ZFR2: variants seen among roughly 807,000 people sequenced by gnomAD.
ZFR2 encodes zinc finger RNA-binding protein 2.
A neutral mutation model predicts 105.7 loss-of-function variants in ZFR2; 104 were observed. The ratio of observed to expected loss-of-function variants is 0.98; its 90% CI spans 0.84 to 1.16. The LOEUF (loss-of-function observed/expected upper bound fraction) is 1.16. Ranked by LOEUF, ZFR2 falls within the 50% of genes most tolerant of loss-of-function variation. The pLI, the probability that ZFR2 is intolerant of heterozygous loss-of-function variation, is 0.00. For synonymous variants in ZFR2, 634 were observed against 597.7 expected, an observed-to-expected ratio of 1.06 and a Z score of -0.89; for missense variants, 1,425 against 1,355.5, an observed-to-expected ratio of 1.05 and a Z score of -0.80.
intron 1 of ZFR2, among the ~76,000 whole-genome samples, chr19:3,842,936 A>T (rs2038149155): frequency 6.6e-6 from 1 of 151,944 alleles, no homozygotes; most frequent in African/African-American, 2.4e-5. Context: ...ATTTCAGAAC[A>T]TTTCATGACC....
chr19:3,867,382 G>C lies in ZFR2; in HGVS notation c.53+1583C>G, dbSNP rs976750211. Among the ~76,000 whole-genome samples, 3 of 152,044 alleles carry C rather than the reference G, an allele frequency of 2.0e-5. No individual in the cohort carries two copies. In the East Asian group the frequency reaches 5.8e-4, roughly 29 times the overall value. ...ACTCCAGTCTTGGGGGCAGATGGACGGGCTGAAGATAGCAGAGATGCTCCG... is the reference window on the plus strand; with the variant it reads ...ACTCCAGTCTTGGGGGCAGATGGACCGGCTGAAGATAGCAGAGATGCTCCG... On this transcript the variant is annotated intron_variant, in intron 1 of 18. Coordinates refer to ENST00000262961, the MANE Select transcript of ZFR2 (RefSeq NM_015174.2).
chr19:3,833,761 T>G lies in ZFR2; in HGVS notation c.282A>C (p.Gly94=). 12 of 1,577,146 alleles carry G rather than the reference T, an allele frequency of 7.6e-6. No individual in the cohort carries two copies. Among genetic ancestry groups the G allele is most frequent in the Non-Finnish European group, 1.0e-5 (12 of 1,160,980 alleles). ...CATAGCTCCTGGCAGCTGCTGACTG[T>G]CCGTAGCTGTAACTGTCCTATGTGG... ...MATYQDSYSY[G]QSAAARSYED... The change falls in exon 3 of 19, where the codon GGA becomes GGC. Residue 94 remains glycine (G), a synonymous_variant. Transcript: ENST00000262961.
In ZFR2 at chr19:3,807,674, G is replaced by A. The variant is rs531405131; in HGVS notation, c.2546-405C>T. On this transcript the variant is annotated intron_variant, in intron 17 of 18. Transcript: ENST00000262961. ...GTGTGCCCGTGTGTGCACCCATGTCGGTGTGTGCTTGTGCATGCACCCATG... is the reference window on the plus strand; with the variant it reads ...GTGTGCCCGTGTGTGCACCCATGTCAGTGTGTGCTTGTGCATGCACCCATG... 9.9e-5 allele frequency among the ~76,000 whole-genome samples: 13 copies of A among 131,320 alleles called. No individual in the cohort carries two copies. In the East Asian group the frequency reaches 2.9e-3, roughly 30 times the overall value. 86.2% of individuals were successfully genotyped at this position (131,320 alleles called of 152,430 possible).
intron 1 of ZFR2, among the ~76,000 whole-genome samples, chr19:3,851,240 C>A (rs1208191367): frequency 6.6e-6 from 1 of 152,046 alleles, no homozygotes; most frequent in Non-Finnish European, 1.5e-5. Flanking sequence ...GGGGACAGAA[C>A]ACATGCGCCA....
chr19:3,836,308 A>T (rs1284957879), intron 1 of ZFR2, among the ~76,000 whole-genome samples: 1 of 152,052 alleles, frequency 6.6e-6, no homozygotes, highest in Non-Finnish European at 1.5e-5. Flanking sequence ...CGGAAGGCCA[A>T]CCGTATTTTC....
chr19:3,859,759 C>A lies in ZFR2; in HGVS notation c.53+9206G>T, dbSNP rs142046394. On this transcript the variant is annotated intron_variant, in intron 1 of 18. Transcript: ENST00000262961. ...ACCAGCAGTAAGACGACATTTCAAT[C>A]GCTGTGTGTACACACAACACACACA... 4.0e-3 allele frequency among the ~76,000 whole-genome samples: 606 copies of A among 152,332 alleles called. 3 individuals are homozygous for A. The highest frequency in any genetic ancestry group is 0.014 in the Middle Eastern group (4 of 294).
intron 1 of ZFR2, among the ~76,000 whole-genome samples, chr19:3,865,275 A>C (rs181710583): frequency 2.0e-5 from 3 of 152,330 alleles, no homozygotes; most frequent in Admixed American, 2.0e-4. Context: ...CCAACAATTA[A>C]GCAGTTCAGA....
intron 13 of ZFR2, among the ~76,000 whole-genome samples, chr19:3,815,844 C>G (rs886986661): frequency 6.6e-6 from 1 of 151,274 alleles, no homozygotes; most frequent in Non-Finnish European, 1.5e-5. Context: ...CTCTGCCTCC[C>G]GGGTTCATGC....
rs149319700 is a variant in ZFR2, at chr19:3,813,574, G to A, written c.2242+246C>T. ...GGAGGTGACACGGTGTCGCTTGCCC[G>A]AGCAAGGCCCCTGCAGCCAGGCTCT... On this transcript the variant is annotated intron_variant, in intron 14 of 18. Transcript: ENST00000262961. This position sits in a 1 kb window ranked among gnomAD's most constrained non-coding sequence, Gnocchi z 4.4. 3.2e-3 allele frequency among the ~76,000 whole-genome samples: 480 copies of A among 152,294 alleles called. 2 individuals carry two copies. Among genetic ancestry groups the A allele is most frequent in the Middle Eastern group, 0.024 (7 of 294 alleles).
In ZFR2 at chr19:3,831,696, G is replaced by T. The variant is rs1364985287; in HGVS notation, c.562C>A (p.Pro188Thr). Reference sequence around the variant, plus strand: ...GTGCAGGTGGGGTTGTAGGAGGGCGGGGGGTAGGAGGTCACGATGGAAGCT... The same window carrying T: ...GTGCAGGTGGGGTTGTAGGAGGGCGTGGGGTAGGAGGTCACGATGGAAGCT... ...SSASIVTSYP[P>T]PSYNPTCTAY... Residue 188 changes from proline to threonine, a missense_variant, in exon 4 of 19, where the codon CCG becomes ACG. Physicochemically the swap from Pro to Thr is conservative, Grantham distance 38. Coordinates refer to ENST00000262961, the MANE Select transcript of ZFR2 (RefSeq NM_015174.2). 2 of 1,578,394 alleles carry T rather than the reference G, an allele frequency of 1.3e-6. No homozygotes were observed. The highest frequency in any genetic ancestry group is 1.2e-5 in the South Asian group (1 of 85,626).
rs138175962 is a variant in ZFR2 at position 3,839,422 on chromosome 19, A to C, written c.54-4439T>G. ...GTGGTGGGTGCCTGTAGTCCCAGCT[A>C]CTCAGGAGGCTGAGGCACGAGAATC... On this transcript the variant is annotated intron_variant, in intron 1 of 18. Transcript: ENST00000262961. 9.2e-3 allele frequency among the ~76,000 whole-genome samples: 1,392 copies of C among 151,430 alleles called. 13 individuals are homozygous for C. The highest frequency in any genetic ancestry group is 0.012 in the Non-Finnish European group (828 of 67,846).
chr19:3,821,254 G>A (rs971172998), intron 10 of ZFR2, 86 bp downstream of exon 10: 17 of 1,403,804 alleles, frequency 1.2e-5, no homozygotes, highest in East Asian at 7.9e-5. Context: ...GAGGAGCTCC[G>A]TAATCTGCAG....
At chr19:3,815,091 T>C (rs2037810967) in intron 13 of ZFR2, among the ~76,000 whole-genome samples, 1 of 145,190 alleles carries the variant, frequency 6.9e-6, no homozygotes, top group Non-Finnish European at 1.5e-5. Flanking sequence ...TTCATTTTTC[T>C]TTCTTTCTTT....
At chr19:3,827,763 C>A in intron 5 of ZFR2, 110 bp from the exon 6 acceptor site, 1 of 1,231,794 alleles carries the variant, frequency 8.1e-7, no homozygotes, top group Non-Finnish European at 1.1e-6. Context: ...TAACAGAGGC[C>A]CGCTGTCCCC....
At chr19:3,814,789 A>G (rs1255052289) in intron 13 of ZFR2, among the ~76,000 whole-genome samples, 1 of 152,136 alleles carries the variant, frequency 6.6e-6, no homozygotes, top group Non-Finnish European at 1.5e-5. Flanking sequence ...AAAACCCTCC[A>G]GCCTCCCCAC....
chr19:3,838,222 A>G lies in ZFR2; in HGVS notation c.54-3239T>C, dbSNP rs2145168348. ...CATCCCGACAATACATTCGATGAAC[A>G]CCGTGACTACTGACATTTGATGAAC... On this transcript the variant is annotated intron_variant, in intron 1 of 18. Coordinates refer to ENST00000262961, the MANE Select transcript of ZFR2 (RefSeq NM_015174.2). This position sits in a 1 kb window ranked among gnomAD's most constrained non-coding sequence, Gnocchi z 4.9. Among the ~76,000 whole-genome samples the G allele has an allele frequency of 6.6e-6, 1 of 152,318 alleles. No homozygotes were observed. The highest frequency in any genetic ancestry group is 3.4e-3 in the Middle Eastern group (1 of 294).
chr19:3,827,729 G>A (rs1444458331), intron 5 of ZFR2, 76 bp from the exon 6 acceptor site: 12 of 1,515,472 alleles, frequency 7.9e-6, no homozygotes, highest in African/African-American at 1.4e-5. Context: ...CAGGCCCCCG[G>A]CTTAGCGCGA....
At position 3,811,274 on chromosome 19, in the gene ZFR2, GAA is replaced by G; in HGVS notation, c.2333_2334del (p.Phe778SerfsTer201). 6.3e-7 allele frequency: 1 copy of G among 1,589,084 alleles called. No homozygotes were observed. Among genetic ancestry groups the G allele is most frequent in the Non-Finnish European group, 8.6e-7 (1 of 1,168,896 alleles). On this transcript the variant is annotated frameshift_variant, in exon 15 of 19. Coordinates refer to ENST00000262961, the MANE Select transcript of ZFR2 (RefSeq NM_015174.2). LOFTEE classifies it high-confidence loss of function. ...SLAALRHARW[F>X]QARASGLQPC... ...TGCTCCACCCCTGCCCCCCTGACCT[GAA>G]ACCACCTGGCATGACGGAGGGCGGC...
At chr19:3,824,404 C>T (rs991097597) in intron 7 of ZFR2, among the ~76,000 whole-genome samples, 16 of 152,200 alleles carry the variant, frequency 1.1e-4, no homozygotes, top group African/African-American at 3.9e-4. Context: ...TCCTAGTTAA[C>T]GCGGGTCAGC....
Sources: allele counts gnomAD v4.1 joint callset (sites outside exome capture counted in the v4.1 genomes callset), GRCh38; gene constraint gnomAD v4.1.1; non-coding constraint Gnocchi (gnomAD v3.1); transcripts MANE v1.5; gene names NCBI Gene and HGNC (gene_info 2026-07-23, HGNC 2026-07-21).